Variants in MTIF3 observed in about 807,000 individuals in gnomAD.
MTIF3 encodes translation initiation factor IF-3, mitochondrial.
Under a neutral mutation model 20.7 loss-of-function variants are expected in MTIF3, and 13 were observed. The ratio of observed to expected loss-of-function variants is 0.63; its 90% confidence interval spans 0.41 to 1.00. The LOEUF is 1.00. MTIF3 is among the 50% of genes least tolerant of loss of function. The probability of loss-of-function intolerance (pLI) is 0.00; values close to 1 mark genes in which losing one functional copy is unlikely to be tolerated. For synonymous variants in MTIF3, 114 were observed against 112.5 expected (o/e 1.01, Z -0.08); for missense variants, 295 against 324.5 (o/e 0.91, Z 0.70).
At chr13:27,436,745 ATTTTT>A (rs66903644) in intron 4 of MTIF3, among the ~76,000 whole-genome samples, 2 of 90,192 alleles carry the variant, frequency 2.2e-5, no homozygotes, top group Non-Finnish European at 4.0e-5. Context: ...ATTTTCTACA[ATTTTT>A]TTTTTTTTTT....
At chr13:27,438,320 C>CAAAAAAA (rs36016925) in intron 3 of MTIF3, among the ~76,000 whole-genome samples, 4 of 54,830 alleles carry the variant, frequency 7.3e-5, no homozygotes, top group African/African-American at 1.5e-4. Context: ...CCCATCTCTA[C>CAAAAAAA]AAAAAAAAAA....
chr13:27,435,658 G>C lies in MTIF3; in HGVS notation c.*17C>G. On this transcript the variant is annotated 3_prime_UTR_variant, in exon 5 of 5. Transcript: ENST00000381120. ...AGGAGCGAGCTTTCTCTCAGAGCATGCTTTTCTTTATTAAAATTACTGATG... is the reference window on the plus strand; with the variant it reads ...AGGAGCGAGCTTTCTCTCAGAGCATCCTTTTCTTTATTAAAATTACTGATG... 6.2e-7 allele frequency: 1 copy of C among 1,612,416 alleles called. No individual in the cohort carries two copies. The highest frequency in any genetic ancestry group is 2.2e-5 in the East Asian group (1 of 44,862).
chr13:27,436,293 A>G (rs545150194), intron 4 of MTIF3, among the ~76,000 whole-genome samples: 3 of 152,110 alleles, frequency 2.0e-5, no homozygotes, highest in Non-Finnish European at 4.4e-5. Context: ...AAACAAATGG[A>G]TACCTGGGCT....
At chr13:27,438,523 C>T (rs1196131552) in intron 3 of MTIF3, among the ~76,000 whole-genome samples, 5 of 135,018 alleles carry the variant, frequency 3.7e-5, no homozygotes, top group African/African-American at 8.3e-5. Context: ...CACAGGGTCT[C>T]GCTCTGTCAC....
chr13:27,439,820 G>T (rs1018033521), intron 3 of MTIF3, among the ~76,000 whole-genome samples, 169 bp downstream of exon 3: 4 of 152,236 alleles, frequency 2.6e-5, no homozygotes, highest in Non-Finnish European at 5.9e-5. Flanking sequence ...GGGAACAGGA[G>T]TAAGTGCAGG....
rs1383162980 is a variant in MTIF3, at chr13:27,440,444, G to C, written c.5C>G (p.Ala2Gly). 3.1e-6 allele frequency: 5 copies of C among 1,593,234 alleles called. No homozygotes were observed. Among genetic ancestry groups the C allele is most frequent in the Middle Eastern group, 3.4e-4 (2 of 5,806 alleles). Reference sequence around the variant, plus strand: ...TGTTAACCTCTTTAGAAAAAGAGCAGCCATCCTAAGAAAGTAGTAAGAAGA... The same window carrying C: ...TGTTAACCTCTTTAGAAAAAGAGCACCCATCCTAAGAAAGTAGTAAGAAGA... M[A>G]ALFLKRLTLQ... is the part of the protein sequence containing the mutation. Residue 2 changes from alanine (A) to glycine (G), a missense_variant, in exon 3 of 5, where the codon GCT (alanine) becomes GGT (glycine). Transcript: ENST00000381120.
At chr13:27,437,339 C>T in intron 3 of MTIF3, 66 bp from the exon 4 acceptor site, 1 of 1,419,964 alleles carries the variant, frequency 7.0e-7, no homozygotes, top group South Asian at 1.4e-5. Context: ...AACTTCCCAA[C>T]ATGCCCATCA....
chr13:27,447,839 C>T (rs796704225), intron 1 of MTIF3, among the ~76,000 whole-genome samples: 12 of 152,298 alleles, frequency 7.9e-5, no homozygotes, highest in African/African-American at 2.9e-4. Context: ...GGATCATTAC[C>T]TTGTTCCTTT....
intron 3 of MTIF3, among the ~76,000 whole-genome samples, chr13:27,438,639 G>A (rs969126639): frequency 9.2e-5 from 14 of 152,006 alleles, no homozygotes; most frequent in African/African-American, 3.1e-4. Context: ...GGGATCACAG[G>A]TTTGCACCAC....
rs778938186 is a variant in MTIF3, at chr13:27,437,285, C to CA, written c.461-13dup. On this transcript the variant is annotated splice_polypyrimidine_tract_variant and intron_variant, in intron 3 of 4. Transcript: ENST00000381120. ...TCTCAGGGTTGGTCCTGGTTTGAAACAGATAGGGTGCAAGGACTACTGACT... is the reference window on the plus strand; with the variant it reads ...TCTCAGGGTTGGTCCTGGTTTGAAACAAGATAGGGTGCAAGGACTACTGACT... 1 of 1,612,128 alleles carries CA rather than the reference C, an allele frequency of 6.2e-7. No homozygotes were observed. The highest frequency in any genetic ancestry group is 1.1e-5 in the South Asian group (1 of 90,936).
chr13:27,439,321 C>A (rs1025389904), intron 3 of MTIF3, among the ~76,000 whole-genome samples: 1 of 152,076 alleles, frequency 6.6e-6, no homozygotes, highest in African/African-American at 2.4e-5. Context: ...CATGGTGAAA[C>A]CCCCTCTCTA....
Position 27,437,147 on chromosome 13 carries a change from CCTTT to C in MTIF3, c.583_586del (p.Lys195GlufsTer4), listed in dbSNP as rs749040325. ...ATTTTCTGACACGTCTACATTTTTT[CCTTT>C]CTTTATGGTAATCTGGACTAGGTGT... On this transcript the variant is annotated frameshift_variant, in exon 4 of 5. Transcript: ENST00000381120. LOFTEE classifies it low-confidence loss of function (END_TRUNC). 70 of 1,612,966 alleles carry C rather than the reference CCTTT, an allele frequency of 4.3e-5. No individual in the cohort carries two copies. Among genetic ancestry groups the C allele is most frequent in the Middle Eastern group, 1.6e-4 (1 of 6,074 alleles).
intron 1 of MTIF3, among the ~76,000 whole-genome samples, chr13:27,448,760 G>A (rs1286377924): frequency 6.6e-6 from 1 of 152,194 alleles, no homozygotes; most frequent in Admixed American, 6.5e-5. Flanking sequence ...ACTTACGGCC[G>A]GGCACGGTGG....
chr13:27,442,388 C>A (rs1351613115), intron 2 of MTIF3, among the ~76,000 whole-genome samples: 2 of 152,104 alleles, frequency 1.3e-5, no homozygotes, highest in African/African-American at 4.8e-5. Flanking sequence ...ATCACAGTAA[C>A]AGCTTCCCGA....
chr13:27,440,328 C>G lies in MTIF3; in HGVS notation c.121G>C (p.Ala41Pro), dbSNP rs189187757. ...AGGAAGGAGAGTCTTGGGGCAGAAG[C>G]AATAGGGGACAACTGTGCTGGTGCT... Reference protein sequence around the residue: ...KTAPAQLSPIASAPRLSFLIH... With the variant: ...KTAPAQLSPIPSAPRLSFLIH... The change falls in exon 3 of 5, where the codon GCT (alanine) becomes CCT (proline). Residue 41 changes from alanine (A) to proline (P), a missense_variant. Coordinates refer to ENST00000381120, the MANE Select transcript of MTIF3 (RefSeq NM_152912.5). 8.7e-6 allele frequency: 14 copies of G among 1,614,180 alleles called. No homozygotes were observed. The highest frequency in any genetic ancestry group is 1.2e-5 in the Non-Finnish European group (14 of 1,180,032).
intron 3 of MTIF3, among the ~76,000 whole-genome samples, chr13:27,438,842 G>C (rs1214681829): frequency 4.0e-5 from 6 of 151,610 alleles, no homozygotes; most frequent in Admixed American, 1.3e-4. Flanking sequence ...TATCCTCCCT[G>C]GTTGGTCTCT....
At chr13:27,443,371 T>TC (rs1445383651) in intron 2 of MTIF3, among the ~76,000 whole-genome samples, 1 of 152,200 alleles carries the variant, frequency 6.6e-6, no homozygotes, top group Non-Finnish European at 1.5e-5. Context: ...GATTTTTTTT[T>TC]CACTTATCAG....
intron 3 of MTIF3, among the ~76,000 whole-genome samples, chr13:27,438,320 CAAAAAA>C (rs36016925): frequency 5.5e-5 from 3 of 54,804 alleles, no homozygotes; most frequent in African/African-American, 1.5e-4. Context: ...CCCATCTCTA[CAAAAAA>C]AAAAAAAAAA....
intron 3 of MTIF3, 129 bp from the exon 4 acceptor site, chr13:27,437,402 A>G: frequency 1.3e-6 from 1 of 784,040 alleles, no homozygotes; most frequent in Non-Finnish European, 2.0e-6. Context: ...TCAGTTTCAC[A>G]GACCAGTAAA....
Sources: allele counts gnomAD v4.1 joint callset (sites outside exome capture counted in the v4.1 genomes callset), GRCh38; gene constraint gnomAD v4.1.1; transcripts MANE v1.5; gene names NCBI Gene and HGNC (gene_info 2026-07-23, HGNC 2026-07-21).